The following GAS7 variants were observed in gnomAD, a reference collection of about 807,000 sequenced individuals.
The protein encoded by GAS7 is growth arrest specific 7, also known as growth arrest-specific protein 7.
GAS7 carries 28 observed loss-of-function variants against 71.1 expected under a neutral mutation model. That is an observed-to-expected ratio of 0.39 (90% CI 0.29 to 0.54). The LOEUF (loss-of-function observed/expected upper bound fraction) is 0.54, where lower values mean the gene tolerates loss of function less well. GAS7 is among the 20% of genes least tolerant of loss of function. The pLI is 0.62. For missense variants in GAS7, 436 were observed against 627.8 expected (o/e 0.69, Z 3.27); for synonymous variants, 258 against 245.8 (o/e 1.05, Z -0.46).
rs151249613 is a variant in GAS7, at chr17:9,973,543, C to T, written c.386-3781G>A. Among the ~76,000 whole-genome samples, 695 of 152,256 alleles carry T rather than the reference C, an allele frequency of 4.6e-3. 6 individuals carry two copies. Among genetic ancestry groups the T allele is most frequent in the Non-Finnish European group, 6.7e-3 (457 of 68,002 alleles). On this transcript the variant is annotated intron_variant, in intron 3 of 13. Coordinates refer to ENST00000432992, the MANE Select transcript of GAS7 (RefSeq NM_201433.2). ...TGCTGGGATTACCGGCATGAGCCAC[C>T]GTGCTGTACTTATAGTAGAAACTTT...
chr17:10,191,700 C>A (rs1236482357), intron 1 of GAS7, among the ~76,000 whole-genome samples: 1 of 151,412 alleles, frequency 6.6e-6, no homozygotes, highest in Non-Finnish European at 1.5e-5. Flanking sequence ...CCTGGTGAAA[C>A]CCCACCTCTA....
At chr17:10,071,185 C>A (rs1026330343) in intron 1 of GAS7, among the ~76,000 whole-genome samples, 1 of 151,876 alleles carries the variant, frequency 6.6e-6, no homozygotes, top group African/African-American at 2.4e-5. Flanking sequence ...GCCAGTGAGG[C>A]GACTTGAGAG....
chr17:10,074,165 T>C (rs2073368621), intron 1 of GAS7, among the ~76,000 whole-genome samples: 1 of 152,196 alleles, frequency 6.6e-6, no homozygotes, highest in African/African-American at 2.4e-5. Flanking sequence ...AGAAAGTTCC[T>C]GGGAGGGGGG....
chr17:9,966,062 A>G (rs3786098), intron 4 of GAS7, among the ~76,000 whole-genome samples: 85,581 of 146,740 alleles, frequency 0.58, 25,909 homozygotes, highest in African/African-American at 0.78. Flanking sequence ...GCAGTGGTGC[A>G]ATCTCGGCTC....
intron 2 of GAS7, among the ~76,000 whole-genome samples, chr17:9,990,832 G>GC (rs1192421712): frequency 6.6e-6 from 1 of 152,182 alleles, no homozygotes; most frequent in African/African-American, 2.4e-5. Context: ...CCTGCTGGGT[G>GC]CCCTCTGGGT....
chr17:9,932,643 G>A (rs1330431113), intron 9 of GAS7, among the ~76,000 whole-genome samples: 1 of 152,204 alleles, frequency 6.6e-6, no homozygotes, highest in East Asian at 1.9e-4. Flanking sequence ...GCCAGGGAGT[G>A]GGGAAGGGAG....
At chr17:9,998,023 C>T (rs922922130) in intron 2 of GAS7, among the ~76,000 whole-genome samples, 5 of 152,192 alleles carry the variant, frequency 3.3e-5, no homozygotes, top group Admixed American at 1.3e-4. Context: ...TACATAGACA[C>T]GATTGATGTC....
chr17:10,024,667 C>A (rs1346645617), intron 1 of GAS7, among the ~76,000 whole-genome samples: 1 of 152,210 alleles, frequency 6.6e-6, no homozygotes, highest in Non-Finnish European at 1.5e-5. Context: ...AGGCTTCAGT[C>A]CCTCTCCATC....
At chr17:10,088,488 T>C (rs9912536) in intron 1 of GAS7, among the ~76,000 whole-genome samples, 16,580 of 151,984 alleles carry the variant, frequency 0.11, 1,040 homozygotes, top group East Asian at 0.21. Context: ...CAACATAAAG[T>C]TCCTTGGCCA....
At chr17:10,079,558 C>T (rs1357720801) in intron 1 of GAS7, among the ~76,000 whole-genome samples, 1 of 152,216 alleles carries the variant, frequency 6.6e-6, no homozygotes, top group African/African-American at 2.4e-5. Context: ...ATTGATAAGT[C>T]TTTCAATCAA....
intron 8 of GAS7, among the ~76,000 whole-genome samples, chr17:9,936,184 T>C (rs574941045): frequency 6.6e-6 from 1 of 152,278 alleles, no homozygotes; most frequent in African/African-American, 2.4e-5. Context: ...CCAACACTAT[T>C]TGAAGCATAC....
chr17:10,137,078 C>G (rs1309424585), intron 1 of GAS7, among the ~76,000 whole-genome samples: 4 of 152,092 alleles, frequency 2.6e-5, no homozygotes, highest in Non-Finnish European at 4.4e-5. Flanking sequence ...CACGCCACTG[C>G]ACTACAGCCT....
intron 1 of GAS7, among the ~76,000 whole-genome samples, chr17:10,083,611 A>T (rs745895500): frequency 2.4e-4 from 36 of 152,234 alleles, no homozygotes; most frequent in Non-Finnish European, 4.3e-4. Context: ...GATGCACTGA[A>T]CATTGAAGTG....
intron 1 of GAS7, among the ~76,000 whole-genome samples, chr17:10,127,418 G>A (rs2073959901): frequency 6.6e-6 from 1 of 152,104 alleles, no homozygotes; most frequent in South Asian, 2.1e-4. Flanking sequence ...GAGGCGGGGA[G>A]TATTGCACAC....
chr17:10,184,584 A>C lies in GAS7; in HGVS notation c.183+13624T>G, dbSNP rs115262942. Among the ~76,000 whole-genome samples the C allele has an allele frequency of 4.8e-3, 731 of 152,366 alleles. 9 individuals are homozygous for C. The highest frequency in any genetic ancestry group is 0.017 in the African/African-American group (688 of 41,582). ...AAATTGTGGCCGGCAGACTGGAAGCAGTGGCATCACCTGGGAGCTGGCGGG... is the reference window on the plus strand; with the variant it reads ...AAATTGTGGCCGGCAGACTGGAAGCCGTGGCATCACCTGGGAGCTGGCGGG... On this transcript the variant is annotated intron_variant, in intron 1 of 13. Transcript: ENST00000432992.
intron 1 of GAS7, among the ~76,000 whole-genome samples, chr17:10,032,593 A>G (rs2072648253): frequency 6.6e-6 from 1 of 152,204 alleles, no homozygotes; most frequent in Non-Finnish European, 1.5e-5. Flanking sequence ...CATGCATGGG[A>G]CGGCTTTTGT....
At chr17:10,153,403 C>G (rs2074182126) in intron 1 of GAS7, among the ~76,000 whole-genome samples, 1 of 150,976 alleles carries the variant, frequency 6.6e-6, no homozygotes, top group Non-Finnish European at 1.5e-5. Context: ...TGTAACCCAG[C>G]TACTTGGGAG....
At chr17:9,971,982 G>A (rs982942222) in intron 3 of GAS7, among the ~76,000 whole-genome samples, 2 of 152,158 alleles carry the variant, frequency 1.3e-5, no homozygotes, top group Admixed American at 6.5e-5. Flanking sequence ...GGGCCAAGCA[G>A]GGCCACATGC....
At chr17:10,182,636 C>A (rs1353929980) in intron 1 of GAS7, among the ~76,000 whole-genome samples, 1 of 152,138 alleles carries the variant, frequency 6.6e-6, no homozygotes, top group Admixed American at 6.5e-5. Flanking sequence ...CCTGTTAGGG[C>A]ACACGGCAGA....
Sources: gnomAD v4.1 joint callset for allele counts (sites outside exome capture counted in the v4.1 genomes callset) on GRCh38, gnomAD v4.1.1 for gene constraint, MANE v1.5 for transcripts, NCBI Gene and HGNC (gene_info 2026-07-23, HGNC 2026-07-21) for gene names.